VARS1: variants seen among roughly 807,000 people sequenced by gnomAD.
The protein encoded by VARS1 is valine--tRNA ligase.
A neutral mutation model predicts 161.0 loss-of-function variants in VARS1; 92 were observed. The ratio of observed to expected loss-of-function variants is 0.57; its 90% CI spans 0.48 to 0.68. VARS1 has a LOEUF of 0.68. Among genes scored for constraint, VARS1 ranks in the 30% least tolerant of loss-of-function variants. The pLI, the probability that VARS1 is intolerant of heterozygous loss-of-function variation, is 0.00. For synonymous variants in VARS1, 595 were observed against 682.5 expected (o/e 0.87, Z 2.00); for missense variants, 1,338 against 1,695.9 (o/e 0.79, Z 3.71).
chr6:31,781,928 T>C lies in VARS1; in HGVS notation c.2266A>G (p.Ser756Gly). The C allele has an allele frequency of 6.2e-7, 1 of 1,612,946 alleles. No homozygotes were observed. The highest frequency in any genetic ancestry group is 1.1e-5 in the South Asian group (1 of 91,086). Residue 756 changes from serine to glycine, a missense_variant, in exon 19 of 30, where the codon AGT becomes GGT. Ser to Gly is a moderately conservative substitution (Grantham distance 56). Coordinates refer to ENST00000375663, the MANE Select transcript of VARS1 (RefSeq NM_006295.3). This position sits in a 1 kb window ranked among gnomAD's most constrained non-coding sequence, Gnocchi z 6.8. ...GEDPDGRYWV[S>G]GRNEAEAREK... ...CGGGCCTCCGCCTCATTGCGTCCAC[T>C]CACCCAGTACCGCCCATCAGGGTCC...
In VARS1 at chr6:31,778,726, C is replaced by T; in HGVS notation, c.3726+241G>A. 3.4e-6 allele frequency: 2 copies of T among 585,256 alleles called. No homozygotes were observed. The highest frequency in any genetic ancestry group is 3.0e-6 in the Non-Finnish European group (1 of 334,812). 36.3% of individuals were successfully genotyped at this position (585,256 alleles called of 1,614,324 possible). On this transcript the variant is annotated intron_variant, in intron 29 of 29. Coordinates refer to ENST00000375663, the MANE Select transcript of VARS1 (RefSeq NM_006295.3). This position sits in a 1 kb window ranked among gnomAD's most constrained non-coding sequence, Gnocchi z 5.1. ...GGGATTTCACCATGTTGGCTGGTCT[C>T]AAACCCCTGGGCTCAAGTGATCCAC...
rs1485894074 is a variant in VARS1 at position 31,778,877 on chromosome 6, T to C, written c.3726+90A>G. ...TCTGTAACTGGTTACGATCAATTAG[T>C]TGTCAACACCACTGCACTCGGACCA... On this transcript the variant is annotated intron_variant, in intron 29 of 29. Transcript: ENST00000375663. The surrounding 1 kb of genome is among the most constrained non-coding windows in gnomAD (Gnocchi z 5.1). 5.3e-6 allele frequency: 8 copies of C among 1,517,948 alleles called. No homozygotes were observed. The highest frequency in any genetic ancestry group is 6.3e-6 in the Non-Finnish European group (7 of 1,108,484). The allele number at this position is 1,517,948 out of a possible 1,614,324, so 94.0% of individuals were successfully genotyped here.
chr6:31,778,966 C>T lies in VARS1; in HGVS notation c.3726+1G>A, dbSNP rs111682977. ...GGGAAATGCCCACCCAGGCCACACA[C>T]CTTGGCTTCATCTGCCTCCTGGACT... On this transcript the variant is annotated splice_donor_variant, in intron 29 of 29. Transcript: ENST00000375663. LOFTEE classifies it high-confidence loss of function. The surrounding 1 kb of genome is among the most constrained non-coding windows in gnomAD (Gnocchi z 5.1). 1.2e-6 allele frequency: 2 copies of T among 1,613,066 alleles called. No homozygotes were observed. Among genetic ancestry groups the T allele is most frequent in the Non-Finnish European group, 1.7e-6 (2 of 1,180,030 alleles).
rs968130785 is a variant in VARS1, at chr6:31,778,762, C to T, written c.3726+205G>A. The T allele has an allele frequency of 4.4e-6, 3 of 683,340 alleles. No homozygotes were observed. In the African/African-American group the frequency reaches 5.5e-5, roughly 12 times the overall value. The allele number at this position is 683,340 out of a possible 1,614,324, so 42.3% of individuals were successfully genotyped here. ...GCTCAAGTGATCCACCCACCTTGGC[C>T]TCCCAAATTTCTGGGATTACAGGTG... On this transcript the variant is annotated intron_variant, in intron 29 of 29. Transcript: ENST00000375663. This position sits in a 1 kb window ranked among gnomAD's most constrained non-coding sequence, Gnocchi z 5.1.
Position 31,780,306 on chromosome 6 carries a change from C to A in VARS1, c.2925+135G>T. 4 of 1,515,964 alleles carry A rather than the reference C, an allele frequency of 2.6e-6. No individual in the cohort carries two copies. Among genetic ancestry groups the A allele is most frequent in the East Asian group, 2.3e-5 (1 of 42,954 alleles). The allele number at this position is 1,515,964 out of a possible 1,614,324, so 93.9% of individuals were successfully genotyped here. On this transcript the variant is annotated intron_variant, in intron 25 of 29. Coordinates refer to ENST00000375663, the MANE Select transcript of VARS1 (RefSeq NM_006295.3). This position sits in a 1 kb window ranked among gnomAD's most constrained non-coding sequence, Gnocchi z 5.1. Reference sequence around the variant, plus strand: ...TCTGGGAAGAAGTGACAGGCCCCAGCCCCCAATGCGCTGGGCTTTCCCTTT... The same window carrying A: ...TCTGGGAAGAAGTGACAGGCCCCAGACCCCAATGCGCTGGGCTTTCCCTTT...
chr6:31,781,452 C>A lies in VARS1; in HGVS notation c.2544+29G>T. ...GGACGGTAGGAGAGGAGGCTGGGGG[C>A]GATGGGAGGGTCTCGGCTGTCTCCG... On this transcript the variant is annotated intron_variant, in intron 21 of 29. Coordinates refer to ENST00000375663, the MANE Select transcript of VARS1 (RefSeq NM_006295.3). This position sits in a 1 kb window ranked among gnomAD's most constrained non-coding sequence, Gnocchi z 6.8. 2 of 1,607,186 alleles carry A rather than the reference C, an allele frequency of 1.2e-6. No individual in the cohort carries two copies. Among genetic ancestry groups the A allele is most frequent in the Non-Finnish European group, 1.7e-6 (2 of 1,178,398 alleles).
intron 6 of VARS1, 116 bp from the exon 7 acceptor site, chr6:31,792,087 G>A: frequency 6.9e-7 from 1 of 1,447,652 alleles, no homozygotes; most frequent in East Asian, 2.3e-5. Context: ...AGGCATTTGA[G>A]GGGCCTAGAG....
rs1356774802 is a variant in VARS1 at position 31,791,514 on chromosome 6, C to G, written c.1100+96G>C. ...CACCACTGGGGGCAGAAGTGAGCAC[C>G]AACCCAGAAGGAGAGAGGCTCGGGG... On this transcript the variant is annotated intron_variant, in intron 8 of 29. Coordinates refer to ENST00000375663, the MANE Select transcript of VARS1 (RefSeq NM_006295.3). The surrounding 1 kb of genome is among the most constrained non-coding windows in gnomAD (Gnocchi z 5.0). The G allele has an allele frequency of 6.7e-7, 1 of 1,490,272 alleles. No homozygotes were observed. Among genetic ancestry groups the G allele is most frequent in the Non-Finnish European group, 8.9e-7 (1 of 1,119,376 alleles). 92.3% of individuals were successfully genotyped at this position (1,490,272 alleles called of 1,614,324 possible).
chr6:31,794,803 C>G, intron 2 of VARS1, 28 bp downstream of exon 2: 1 of 1,515,944 alleles, frequency 6.6e-7, no homozygotes, highest in Non-Finnish European at 8.9e-7. Context: ...AATTTCTCCC[C>G]TCCCCCTCTT....
At chr6:31,792,668 G>T in intron 4 of VARS1, 89 bp downstream of exon 4, 1 of 1,597,798 alleles carries the variant, frequency 6.3e-7, no homozygotes, top group Non-Finnish European at 8.5e-7. Context: ...CTGCCCCAGT[G>T]ATTCTGCCAT....
chr6:31,779,516 C>T lies in VARS1; in HGVS notation c.3309G>A (p.Glu1103=), dbSNP rs936518830. 3.1e-6 allele frequency: 5 copies of T among 1,612,718 alleles called. No individual in the cohort carries two copies. In the Admixed American group the frequency reaches 8.3e-5, roughly 27 times the overall value. ...GCGCCAGCTCAAGGGCGGCTTCTGC[C>T]TCGGGGTCCTTCCAGGAGCACTGTG... ...EPSECSWKDP[E]AEAALELALS... Residue 1103 remains glutamate, a synonymous_variant, in exon 28 of 30, where the codon GAG becomes GAA. Transcript: ENST00000375663. The surrounding 1 kb of genome is among the most constrained non-coding windows in gnomAD (Gnocchi z 9.1).
In VARS1 at chr6:31,785,231, A is replaced by G; in HGVS notation, c.1347+15T>C. ...CTCCTACTCCTGCCCCAGCTTTGAC[A>G]CTCCTCCCACGCACAGGGTCCATGG... is the stretch of plus-strand genomic sequence containing the variant. On this transcript the variant is annotated intron_variant, in intron 10 of 29. Transcript: ENST00000375663. The surrounding 1 kb of genome is among the most constrained non-coding windows in gnomAD (Gnocchi z 6.1). 1.9e-6 allele frequency: 3 copies of G among 1,612,446 alleles called. No individual in the cohort carries two copies. The highest frequency in any genetic ancestry group is 2.5e-6 in the Non-Finnish European group (3 of 1,179,864).
rs1475429156 is a variant in VARS1, at chr6:31,780,002, T to G, written c.3077A>C (p.Tyr1026Ser). Reference sequence around the variant, plus strand: ...CCCCGCTGTGCTCCTTCTCACCAAGTAGACATCACAGAGCTCATAGAGCCA... The same window carrying G: ...CCCCGCTGTGCTCCTTCTCACCAAGGAGACATCACAGAGCTCATAGAGCCA... ...SFWLYELCDVYLECLKPVLNG... is the reference protein window; with the variant it reads ...SFWLYELCDVSLECLKPVLNG... Residue 1026 changes from tyrosine (Y) to serine (S), a missense_variant, in exon 26 of 30, where the codon TAC becomes TCC. By Grantham distance (144) the Tyr-to-Ser change is moderately radical. Transcript: ENST00000375663. The surrounding 1 kb of genome is among the most constrained non-coding windows in gnomAD (Gnocchi z 5.1). 1 of 1,613,736 alleles carries G rather than the reference T, an allele frequency of 6.2e-7. No individual in the cohort carries two copies. Among genetic ancestry groups the G allele is most frequent in the African/African-American group, 1.3e-5 (1 of 74,878 alleles).
Position 31,784,477 on chromosome 6 carries a change from C to T in VARS1, c.1493G>A (p.Arg498His), listed in dbSNP as rs199533729. 1.3e-5 allele frequency: 21 copies of T among 1,613,972 alleles called. No homozygotes were observed. Among genetic ancestry groups the T allele is most frequent in the Middle Eastern group, 1.6e-4 (1 of 6,084 alleles). ...GTAGCCAGGCACGGAGAGCAGGGTG[C>T]GACCTGTCAGCTCCTTCTTATCCAC... The part of the protein sequence containing the change: ...IEVDKKELTG[R>H]TLLSVPGYKE... The change falls in exon 12 of 30, where the codon CGC becomes CAC. Residue 498 changes from arginine to histidine, a missense_variant. By Grantham distance (29) the Arg-to-His change is conservative (BLOSUM62 0). Around this residue, in one of 3 missense-constraint regions of VARS1, gnomAD observed 902 missense variants for 1,090.3 expected, o/e 0.83. Coordinates refer to ENST00000375663, the MANE Select transcript of VARS1 (RefSeq NM_006295.3). The surrounding 1 kb of genome is among the most constrained non-coding windows in gnomAD (Gnocchi z 6.1).
Position 31,781,239 on chromosome 6 carries a change from T to TC in VARS1, c.2545-117dup. The TC allele has an allele frequency of 7.7e-7, 1 of 1,297,916 alleles. No homozygotes were observed. Among genetic ancestry groups the TC allele is most frequent in the Non-Finnish European group, 1.1e-6 (1 of 924,738 alleles). The allele number at this position is 1,297,916 out of a possible 1,614,324, so 80.4% of individuals were successfully genotyped here. On this transcript the variant is annotated intron_variant, in intron 21 of 29. Transcript: ENST00000375663. This position sits in a 1 kb window ranked among gnomAD's most constrained non-coding sequence, Gnocchi z 6.8. ...TGTGAACCTCAGGTCCCACTGAGTG[T>TC]CCCCAAGAGCTCGTTGAGCGCCTTT...
At position 31,781,495 on chromosome 6, in the gene VARS1, G is replaced by C; in HGVS notation, c.2530C>G (p.Leu844Val). The C allele has an allele frequency of 6.2e-7, 1 of 1,612,714 alleles. No homozygotes were observed. ...VMLGLKLTGR[L>V]PFREVYLHAI... ...TGTCTCCGCACCTCTCTAAAGGGCA[G>C]CCTGCCCGTGAGCTTCAGGCCCAGC... is the stretch of plus-strand genomic sequence containing the variant. The change falls in exon 21 of 30, where the codon CTG (leucine) becomes GTG (valine). Residue 844 changes from leucine (L) to valine (V), a missense_variant. This residue lies in a region of VARS1 where 433 missense variants were observed against 586.2 expected (regional missense o/e 0.74). Coordinates refer to ENST00000375663, the MANE Select transcript of VARS1 (RefSeq NM_006295.3). The surrounding 1 kb of genome is among the most constrained non-coding windows in gnomAD (Gnocchi z 6.8).
Position 31,780,308 on chromosome 6 carries a change from C to T in VARS1, c.2925+133G>A. 4 of 1,519,550 alleles carry T rather than the reference C, an allele frequency of 2.6e-6. No homozygotes were observed. The highest frequency in any genetic ancestry group is 3.5e-6 in the Non-Finnish European group (4 of 1,132,726). The allele number at this position is 1,519,550 out of a possible 1,614,324, so 94.1% of individuals were successfully genotyped here. ...TGGGAAGAAGTGACAGGCCCCAGCC[C>T]CCAATGCGCTGGGCTTTCCCTTTAA... is the stretch of plus-strand genomic sequence containing the variant. On this transcript the variant is annotated intron_variant, in intron 25 of 29. Transcript: ENST00000375663. The surrounding 1 kb of genome is among the most constrained non-coding windows in gnomAD (Gnocchi z 5.1).
chr6:31,782,108 G>T lies in VARS1; in HGVS notation c.2220C>A (p.Asp740Glu), dbSNP rs756424329. 11 of 1,613,844 alleles carry T rather than the reference G, an allele frequency of 6.8e-6. No homozygotes were observed. Among genetic ancestry groups the T allele is most frequent in the Non-Finnish European group, 8.5e-6 (10 of 1,179,900 alleles). Residue 740 changes from aspartate (D) to glutamate (E), a missense_variant, in exon 18 of 30, where the codon GAC becomes GAA. By Grantham distance (45) the Asp-to-Glu change is conservative. Coordinates refer to ENST00000375663, the MANE Select transcript of VARS1 (RefSeq NM_006295.3). The surrounding 1 kb of genome is among the most constrained non-coding windows in gnomAD (Gnocchi z 8.3). ...RIPAYFVTVS[D>E]PAVPPGEDPD... ...TCACCTCCCCAGGGGGCACCGCTGG[G>T]TCACTGACAGTGACAAAGTAGGCTG...
rs566706434 is a variant in VARS1, at chr6:31,781,532, G to C, written c.2493C>G (p.Ala831=). ...TGHDILFFWV[A]RMVMLGLKLT... Reference sequence around the variant, plus strand: ...GCTTCAGGCCCAGCATGACCATCCGGGCCACCCAGAAGAAGAGGATGTCAT... The same window carrying C: ...GCTTCAGGCCCAGCATGACCATCCGCGCCACCCAGAAGAAGAGGATGTCAT... Residue 831 remains alanine (A), a synonymous_variant, in exon 21 of 30, where the codon GCC becomes GCG. Coordinates refer to ENST00000375663, the MANE Select transcript of VARS1 (RefSeq NM_006295.3). This position sits in a 1 kb window ranked among gnomAD's most constrained non-coding sequence, Gnocchi z 6.8. 17 of 1,612,882 alleles carry C rather than the reference G, an allele frequency of 1.1e-5. No individual in the cohort carries two copies. In the South Asian group the frequency reaches 1.9e-4, roughly 18 times the overall value.
Sources: allele counts gnomAD v4.1 joint callset, GRCh38; gene constraint gnomAD v4.1.1; regional missense constraint gnomAD v4.1.1; non-coding constraint Gnocchi (gnomAD v3.1); transcripts MANE v1.5; gene names NCBI Gene and HGNC (gene_info 2026-07-23, HGNC 2026-07-21).